FRMD5: variants seen among roughly 807,000 people sequenced by gnomAD.
FRMD5 encodes the protein FERM domain-containing protein 5.
FRMD5 carries 20 observed loss-of-function variants against 69.0 expected under a neutral mutation model. The ratio of observed to expected loss-of-function variants is 0.29; its 90% CI spans 0.20 to 0.42. The LOEUF (loss-of-function observed/expected upper bound fraction) is 0.42, where lower values mean the gene tolerates loss of function less well. Ranked by LOEUF, FRMD5 falls within the 10% of genes least tolerant of loss-of-function variation. FRMD5 has a pLI of 1.00. For synonymous variants in FRMD5, 271 were observed against 260.1 expected, an observed-to-expected ratio of 1.04 and a Z score of -0.40; for missense variants, 595 against 708.6, an observed-to-expected ratio of 0.84 and a Z score of 1.82.
chr15:43,961,767 C>T (rs911717841), intron 1 of FRMD5, among the ~76,000 whole-genome samples: 8 of 152,208 alleles, frequency 5.3e-5, no homozygotes, highest in African/African-American at 9.6e-5. Context: ...AATCAATAAA[C>T]GTAATCCAGC....
chr15:44,002,796 C>T (rs1890270793), intron 1 of FRMD5, among the ~76,000 whole-genome samples: 1 of 152,100 alleles, frequency 6.6e-6, no homozygotes, highest in Non-Finnish European at 1.5e-5. Flanking sequence ...TTCATTTCTG[C>T]CTTTTAGTTT....
At chr15:44,049,593 T>C (rs368005824) in intron 1 of FRMD5, among the ~76,000 whole-genome samples, 4 of 152,204 alleles carry the variant, frequency 2.6e-5, no homozygotes, top group East Asian at 3.8e-4. Context: ...GAAAAAAAGA[T>C]AGAATAGATA....
rs182326116 is a variant in FRMD5, at chr15:44,008,160, T to C, written c.103-83851A>G. 2.0e-4 allele frequency among the ~76,000 whole-genome samples: 29 copies of C among 147,100 alleles called. No homozygotes were observed. The East Asian group carries it at 5.4e-3, about 27-fold the overall frequency. On this transcript the variant is annotated intron_variant, in intron 1 of 13. Transcript: ENST00000417257. ...GTTGCCCAGGCTGGTCTCAAACTCC[T>C]GGACTCAGGTGACACTCCTGCCTCA...
Position 43,872,897 on chromosome 15 carries a change from G to A in FRMD5, c.*988C>T. 5.2e-6 allele frequency: 2 copies of A among 381,250 alleles called. No individual in the cohort carries two copies. Among genetic ancestry groups the A allele is most frequent in the Non-Finnish European group, 9.3e-6 (2 of 214,882 alleles). 23.6% of individuals were successfully genotyped at this position (381,250 alleles called of 1,614,324 possible). A position where few individuals can be genotyped will look rare whatever the true frequency, so the allele number is the denominator to read the frequency against. On this transcript the variant is annotated 3_prime_UTR_variant, in exon 14 of 14. Transcript: ENST00000417257. ...CGTTGTTAAAATATAAATTGAAATA[G>A]TCTTTGGGTCAAGGGGGTGTATATA... is the stretch of plus-strand genomic sequence containing the variant.
intron 1 of FRMD5, among the ~76,000 whole-genome samples, chr15:44,084,449 C>T (rs550837616): frequency 5.9e-5 from 9 of 151,962 alleles, no homozygotes; most frequent in Non-Finnish European, 8.8e-5. Context: ...TATGAACTCC[C>T]GAGGCAGCCC....
chr15:44,148,311 C>T, intron 1 of FRMD5, among the ~76,000 whole-genome samples: 1 of 151,878 alleles, frequency 6.6e-6, no homozygotes, highest in East Asian at 1.9e-4. Context: ...TCGCTCTGTC[C>T]CCCAGGTTGG....
chr15:44,094,331 C>T (rs758407863), intron 1 of FRMD5, among the ~76,000 whole-genome samples: 1 of 152,158 alleles, frequency 6.6e-6, no homozygotes, highest in African/African-American at 2.4e-5. Context: ...CCATTTGTCC[C>T]CTAATTCCAG....
chr15:43,957,088 C>G (rs2090126864), intron 1 of FRMD5, among the ~76,000 whole-genome samples: 1 of 152,142 alleles, frequency 6.6e-6, no homozygotes, highest in Non-Finnish European at 1.5e-5. Flanking sequence ...AGTACATATT[C>G]ACAAAAATCC....
chr15:44,169,786 C>A (rs541284171), intron 1 of FRMD5, among the ~76,000 whole-genome samples: 3 of 152,134 alleles, frequency 2.0e-5, no homozygotes, highest in African/African-American at 7.2e-5. Context: ...GTTAGACTAC[C>A]TGAATATACT....
intron 1 of FRMD5, among the ~76,000 whole-genome samples, chr15:44,134,864 G>A (rs574114261): frequency 9.2e-5 from 14 of 152,288 alleles, no homozygotes; most frequent in Admixed American, 2.0e-4. Context: ...GCAAGCTGAG[G>A]CGATAGCAAA....
At chr15:43,932,212 T>G (rs923894650) in intron 1 of FRMD5, among the ~76,000 whole-genome samples, 1 of 152,218 alleles carries the variant, frequency 6.6e-6, no homozygotes, top group Non-Finnish European at 1.5e-5. Context: ...GCCTCAGCAA[T>G]GAGTCAATGC....
At chr15:44,084,663 C>T (rs1326813706) in intron 1 of FRMD5, among the ~76,000 whole-genome samples, 2 of 152,112 alleles carry the variant, frequency 1.3e-5, no homozygotes, top group Admixed American at 1.3e-4. Flanking sequence ...TAAGTTTTCT[C>T]TCTTCTCCAG....
intron 5 of FRMD5, among the ~76,000 whole-genome samples, chr15:43,909,104 C>A (rs1345406507): frequency 6.6e-6 from 1 of 151,962 alleles, no homozygotes; most frequent in Non-Finnish European, 1.5e-5. Context: ...AAGCAAAATC[C>A]TCTAACTTGG....
intron 1 of FRMD5, among the ~76,000 whole-genome samples, chr15:44,181,904 A>G (rs558246355): frequency 9.2e-5 from 14 of 152,316 alleles, no homozygotes; most frequent in African/African-American, 3.4e-4. Flanking sequence ...CCGTGTCTCA[A>G]AACAAAACAA....
At chr15:44,025,255 AAATGCT>A (rs1451029727) in intron 1 of FRMD5, among the ~76,000 whole-genome samples, 11 of 152,176 alleles carry the variant, frequency 7.2e-5, no homozygotes, top group Non-Finnish European at 2.9e-5. Context: ...AAAAATAATT[AAATGCT>A]ATTGGAATGT....
chr15:43,941,184 T>C (rs1361776021), intron 1 of FRMD5, among the ~76,000 whole-genome samples: 1 of 152,120 alleles, frequency 6.6e-6, no homozygotes, highest in Non-Finnish European at 1.5e-5. Context: ...CTGAGCAACA[T>C]GGTGAAACCC....
rs1401673991 is a variant in FRMD5 at position 44,195,068 on chromosome 15, C to A, written c.-14G>T. On this transcript the variant is annotated 5_prime_UTR_variant, in exon 1 of 14. Transcript: ENST00000417257. ...CCTGCTCAGCATCTTCCCGCCCGCCCGCCCGGGAGCGACGCGGCGGCGCTG... is the reference window on the plus strand; with the variant it reads ...CCTGCTCAGCATCTTCCCGCCCGCCAGCCCGGGAGCGACGCGGCGGCGCTG... 1.3e-6 allele frequency: 2 copies of A among 1,510,622 alleles called. No homozygotes were observed. The highest frequency in any genetic ancestry group is 2.0e-5 in the Admixed American group (1 of 49,016). The allele number at this position is 1,510,622 out of a possible 1,614,324, so 93.6% of individuals were successfully genotyped here.
chr15:44,175,131 T>C (rs1595557028), intron 1 of FRMD5, among the ~76,000 whole-genome samples: 1 of 152,180 alleles, frequency 6.6e-6, no homozygotes, highest in East Asian at 1.9e-4. Flanking sequence ...AGGCACCTTT[T>C]TTCTAACAAT....
chr15:43,960,311 G>A (rs998294528), intron 1 of FRMD5, among the ~76,000 whole-genome samples: 28 of 151,106 alleles, frequency 1.9e-4, no homozygotes, highest in Admixed American at 3.3e-4. Flanking sequence ...GTGCAGTGGC[G>A]CGATCTTGGC....
Sources: allele counts gnomAD v4.1 joint callset (sites outside exome capture counted in the v4.1 genomes callset), GRCh38; gene constraint gnomAD v4.1.1; transcripts MANE v1.5; gene names NCBI Gene and HGNC (gene_info 2026-07-23, HGNC 2026-07-21).